Variants in THSD4 observed in about 807,000 individuals in gnomAD.
THSD4 encodes the protein thrombospondin type 1 domain containing 4.
A neutral mutation model predicts 119.0 loss-of-function variants in THSD4; 69 were observed. The observed-to-expected ratio is 0.58, with a 90% CI of 0.48 to 0.71. The LOEUF is 0.71. Ranked by LOEUF, THSD4 falls within the 30% of genes least tolerant of loss-of-function variation. The probability of loss-of-function intolerance (pLI) is 0.00; values close to 1 mark genes in which losing one functional copy is unlikely to be tolerated. For missense variants in THSD4, 1,393 were observed against 1,391.1 expected, an observed-to-expected ratio of 1.00 and a Z score of -0.02; for synonymous variants, 524 against 540.4, an observed-to-expected ratio of 0.97 and a Z score of 0.42.
At chr15:71,264,814 C>G (rs2044445184) in intron 6 of THSD4, among the ~76,000 whole-genome samples, 1 of 152,130 alleles carries the variant, frequency 6.6e-6, no homozygotes, top group South Asian at 2.1e-4. Flanking sequence ...GCATTATCAT[C>G]CCATGTATCA....
intron 8 of THSD4, among the ~76,000 whole-genome samples, chr15:71,669,215 T>C (rs552977201): frequency 6.6e-6 from 1 of 152,352 alleles, no homozygotes; most frequent in African/African-American, 2.4e-5. Flanking sequence ...ATTTGCATTT[T>C]CCTGACCACT....
chr15:71,667,064 A>G (rs2051430929), intron 8 of THSD4, among the ~76,000 whole-genome samples: 2 of 152,232 alleles, frequency 1.3e-5, no homozygotes, highest in South Asian at 2.1e-4. Flanking sequence ...TTATACACCA[A>G]TGAAACTCTG....
At chr15:71,408,237 T>C (rs988333752) in intron 6 of THSD4, among the ~76,000 whole-genome samples, 2 of 152,058 alleles carry the variant, frequency 1.3e-5, no homozygotes, top group Non-Finnish European at 2.9e-5. Context: ...GTTGTTGTTG[T>C]TGTTTTTGAA....
chr15:71,452,520 CAAA>C (rs71281967), intron 7 of THSD4, among the ~76,000 whole-genome samples: 47 of 78,940 alleles, frequency 6.0e-4, no homozygotes, highest in Admixed American at 4.2e-4. Flanking sequence ...TCCCCTCCAC[CAAA>C]AAAAAAAAAA....
intron 7 of THSD4, among the ~76,000 whole-genome samples, chr15:71,469,614 A>T (rs572780685): frequency 1.3e-5 from 2 of 152,288 alleles, no homozygotes; most frequent in Admixed American, 1.3e-4. Context: ...ACATGAATAC[A>T]TTTAGCCGGA....
Position 71,716,545 on chromosome 15 carries a change from GTT to G in THSD4, c.1358-12001_1358-12000del, listed in dbSNP as rs560280161. On this transcript the variant is annotated intron_variant, in intron 8 of 17. Transcript: ENST00000261862. ...TTGTTCATAGAGCACTTTCCTGTTT[GTT>G]TTATAGAGTGTGGGGTGTGTGTGTG... 7.1e-3 allele frequency among the ~76,000 whole-genome samples: 624 copies of G among 87,318 alleles called. 1 individual carries two copies. Among genetic ancestry groups the G allele is most frequent in the South Asian group, 0.017 (45 of 2,624 alleles). 57.3% of individuals were successfully genotyped at this position (87,318 alleles called of 152,430 possible).
intron 6 of THSD4, among the ~76,000 whole-genome samples, chr15:71,320,058 G>A (rs1441357): frequency 0.086 from 13,014 of 152,130 alleles, 572 homozygotes; most frequent in South Asian, 0.15. Flanking sequence ...AAATATGCTT[G>A]GGGAAATGCT....
chr15:71,141,363 C>A, intron 1 of THSD4, 86 bp from the exon 2 acceptor site: 1 of 685,988 alleles, frequency 1.5e-6, no homozygotes, highest in Non-Finnish European at 2.3e-6. Flanking sequence ...CTTCCATTTG[C>A]TCATTTCTGG....
chr15:71,264,531 G>T (rs746137728), intron 6 of THSD4, among the ~76,000 whole-genome samples: 17 of 152,212 alleles, frequency 1.1e-4, no homozygotes, highest in Non-Finnish European at 1.5e-4. Context: ...TGTATATGTT[G>T]AGTCTGAATG....
At chr15:71,507,983 T>C (rs1293835139) in intron 7 of THSD4, among the ~76,000 whole-genome samples, 1 of 152,054 alleles carries the variant, frequency 6.6e-6, no homozygotes, top group Non-Finnish European at 1.5e-5. Context: ...AAAAATAAAA[T>C]AAAAAGTACA....
At chr15:71,664,035 T>G (rs1201235929) in intron 8 of THSD4, among the ~76,000 whole-genome samples, 1 of 151,666 alleles carries the variant, frequency 6.6e-6, no homozygotes, top group African/African-American at 2.4e-5. Flanking sequence ...CAGGCTGGAG[T>G]GCAGTGGCGC....
intron 6 of THSD4, among the ~76,000 whole-genome samples, chr15:71,388,504 T>C (rs1406240792): frequency 6.6e-6 from 1 of 152,144 alleles, no homozygotes; most frequent in Non-Finnish European, 1.5e-5. Flanking sequence ...CAGCTCTTCC[T>C]GTATGCCCAG....
intron 7 of THSD4, among the ~76,000 whole-genome samples, chr15:71,622,931 T>C (rs1188346660): frequency 6.6e-6 from 1 of 151,990 alleles, no homozygotes; most frequent in Non-Finnish European, 1.5e-5. Flanking sequence ...TTTGGATTGA[T>C]AAAGAAAATA....
At chr15:71,513,456 G>A (rs562416274) in intron 7 of THSD4, among the ~76,000 whole-genome samples, 1 of 152,180 alleles carries the variant, frequency 6.6e-6, no homozygotes, top group Admixed American at 6.5e-5. Context: ...GGCTTAAATT[G>A]ACATTTAGCA....
intron 5 of THSD4, among the ~76,000 whole-genome samples, chr15:71,249,271 A>T (rs1276310423): frequency 6.6e-6 from 1 of 151,934 alleles, no homozygotes; most frequent in African/African-American, 2.4e-5. Flanking sequence ...AATTGTTAAC[A>T]GTTGTCATTT....
chr15:71,450,951 A>G (rs1172348593), intron 7 of THSD4, among the ~76,000 whole-genome samples: 1 of 152,084 alleles, frequency 6.6e-6, no homozygotes, highest in African/African-American at 2.4e-5. Flanking sequence ...GCCAGAGCGG[A>G]TGGATTGCTT....
At chr15:71,348,274 A>G (rs914720885) in intron 6 of THSD4, 9 of 152,172 alleles carry the variant, frequency 5.9e-5, no homozygotes, top group Non-Finnish European at 8.8e-5. Flanking sequence ...AACCACTGAA[A>G]ACTGTTGTTA....
At chr15:71,644,279 A>G (rs764190870) in intron 7 of THSD4, among the ~76,000 whole-genome samples, 4 of 152,230 alleles carry the variant, frequency 2.6e-5, no homozygotes, top group South Asian at 2.1e-4. Context: ...CTGATTTTCT[A>G]TGATAAGCCT....
intron 3 of THSD4, among the ~76,000 whole-genome samples, chr15:71,163,865 T>C (rs1221775698): frequency 1.3e-5 from 2 of 149,726 alleles, no homozygotes; most frequent in Non-Finnish European, 3.0e-5. Flanking sequence ...CTTTTGGGGA[T>C]ACATTCTCAG....
Sources: gnomAD v4.1 joint callset for allele counts (sites outside exome capture counted in the v4.1 genomes callset) on GRCh38, gnomAD v4.1.1 for gene constraint, MANE v1.5 for transcripts, NCBI Gene and HGNC (gene_info 2026-07-23, HGNC 2026-07-21) for gene names.